Variants in STX18 observed in about 807,000 individuals in gnomAD.
STX18 encodes syntaxin-18.
STX18 carries 40 observed loss-of-function variants against 50.1 expected under a neutral mutation model. That is an observed-to-expected ratio of 0.80 (90% confidence interval 0.62 to 1.04). The LOEUF is 1.04. Ranked by LOEUF, STX18 falls within the 50% of genes least tolerant of loss-of-function variation. The pLI is 0.00. For synonymous variants in STX18, 158 were observed against 151.8 expected, an observed-to-expected ratio of 1.04 and a Z score of -0.30; for missense variants, 410 against 415.8, an observed-to-expected ratio of 0.99 and a Z score of 0.12.
At position 4,420,777 on chromosome 4, in the gene STX18, T is replaced by C; in HGVS notation, c.912+87A>G. Reference sequence around the variant, plus strand: ...CGTGAGCTCTGCCCAGCAAGGCTCCTGGGCAGCTGTGCCGGCGAGACTAAC... The same window carrying C: ...CGTGAGCTCTGCCCAGCAAGGCTCCCGGGCAGCTGTGCCGGCGAGACTAAC... On this transcript the variant is annotated intron_variant, in intron 10 of 10. Coordinates refer to ENST00000306200, the MANE Select transcript of STX18 (RefSeq NM_016930.4). The surrounding 1 kb of genome is among the most constrained non-coding windows in gnomAD (Gnocchi z 4.3). 2 of 1,235,958 alleles carry C rather than the reference T, an allele frequency of 1.6e-6. No individual in the cohort carries two copies. The highest frequency in any genetic ancestry group is 2.4e-6 in the Non-Finnish European group (2 of 841,356). The allele number at this position is 1,235,958 out of a possible 1,614,324, so 76.6% of individuals were successfully genotyped here.
At position 4,541,931 on chromosome 4, in the gene STX18, T is replaced by G; in HGVS notation, c.34A>C (p.Ser12Arg). 6.2e-7 allele frequency: 1 copy of G among 1,608,724 alleles called. No homozygotes were observed. The highest frequency in any genetic ancestry group is 8.5e-7 in the Non-Finnish European group (1 of 1,178,282). ...AVDITLLFRASVKTVKTRNKA... is the reference protein window; with the variant it reads ...AVDITLLFRARVKTVKTRNKA... ...TTCCGCGTCTTCACGGTCTTGACGC[T>G]GGCCCGGAATAGCAGCGTGATGTCC... The change falls in exon 1 of 11, where the codon AGC (serine) becomes CGC (arginine). Residue 12 changes from serine (S) to arginine (R), a missense_variant. Ser to Arg is a moderately radical substitution (Grantham distance 110). Transcript: ENST00000306200.
chr4:4,450,264 C>G (rs1726675242), intron 5 of STX18, among the ~76,000 whole-genome samples: 1 of 152,162 alleles, frequency 6.6e-6, no homozygotes, highest in South Asian at 2.1e-4. Flanking sequence ...CACCCAAGAC[C>G]ACAGACAGGG....
At chr4:4,535,553 GA>G (rs1485340251) in intron 1 of STX18, among the ~76,000 whole-genome samples, 2 of 152,324 alleles carry the variant, frequency 1.3e-5, no homozygotes, top group Middle Eastern at 3.4e-3. Context: ...TCCTCAAGGA[GA>G]GGGGGAAGGT....
chr4:4,492,873 A>C (rs1729003781), intron 1 of STX18, among the ~76,000 whole-genome samples: 1 of 152,186 alleles, frequency 6.6e-6, no homozygotes, highest in South Asian at 2.1e-4. Flanking sequence ...TAAAATGTCA[A>C]AGTTTTTAAG....
In STX18 at chr4:4,425,214, C is replaced by G; in HGVS notation, c.711G>C (p.Gln237His). Residue 237 changes from glutamine (Q) to histidine (H), a missense_variant, in exon 8 of 11, where the codon CAG becomes CAC. Coordinates refer to ENST00000306200, the MANE Select transcript of STX18 (RefSeq NM_016930.4). ...LSPEEIQMFE[Q>H]ENQRLIGEMN... ...TTTCACCAATTAGTCGCTGATTTTC[C>G]TGTTCAAACTGTGAGGAAACAGACA... 3 of 1,614,080 alleles carry G rather than the reference C, an allele frequency of 1.9e-6. No individual in the cohort carries two copies. The highest frequency in any genetic ancestry group is 2.5e-6 in the Non-Finnish European group (3 of 1,179,924).
chr4:4,540,337 C>T (rs950419835), intron 1 of STX18, among the ~76,000 whole-genome samples: 5 of 152,170 alleles, frequency 3.3e-5, no homozygotes, highest in Admixed American at 6.5e-5. Flanking sequence ...TGCAATGATA[C>T]ACAAAGCCCT....
intron 1 of STX18, among the ~76,000 whole-genome samples, chr4:4,508,146 T>C (rs1729816511): frequency 6.6e-6 from 1 of 152,212 alleles, no homozygotes; most frequent in Admixed American, 6.5e-5. Context: ...GACACTGAAG[T>C]GCCCGTGTGA....
At chr4:4,448,185 A>G (rs1457917244) in intron 5 of STX18, among the ~76,000 whole-genome samples, 2 of 152,186 alleles carry the variant, frequency 1.3e-5, no homozygotes, top group East Asian at 3.8e-4. Flanking sequence ...TACTCCAGCA[A>G]TTCTGTAAAT....
At chr4:4,455,827 C>T (rs1727033226) in intron 5 of STX18, among the ~76,000 whole-genome samples, 1 of 152,224 alleles carries the variant, frequency 6.6e-6, no homozygotes, top group African/African-American at 2.4e-5. Context: ...CTGGTTTCCT[C>T]TGGACTTTTG....
chr4:4,424,215 C>T (rs1277028835), intron 8 of STX18, among the ~76,000 whole-genome samples: 36 of 144,320 alleles, frequency 2.5e-4, no homozygotes, highest in Admixed American at 6.4e-4. Context: ...CCCTGGGGGG[C>T]GGGTGGGGGC....
intron 1 of STX18, among the ~76,000 whole-genome samples, chr4:4,527,867 C>CACACACACACACACACACATATAT (rs372566368): frequency 7.3e-6 from 1 of 137,208 alleles, no homozygotes; most frequent in African/African-American, 2.6e-5. Context: ...CACACACACA[C>CACACACACACACACACACATATAT]ATATATATAT....
intron 1 of STX18, among the ~76,000 whole-genome samples, chr4:4,534,022 T>A (rs143402009): frequency 2.0e-5 from 3 of 152,330 alleles, no homozygotes; most frequent in African/African-American, 7.2e-5. Context: ...TTCTACCTCC[T>A]TGTACTTCTC....
chr4:4,465,524 A>C (rs530949219), intron 2 of STX18, among the ~76,000 whole-genome samples: 1 of 152,334 alleles, frequency 6.6e-6, no homozygotes, highest in Admixed American at 6.5e-5. Context: ...CAAATACCAC[A>C]TGTTCTCACT....
intron 1 of STX18, among the ~76,000 whole-genome samples, chr4:4,535,354 G>C (rs987149333): frequency 6.6e-6 from 1 of 152,160 alleles, no homozygotes; most frequent in African/African-American, 2.4e-5. Flanking sequence ...AAATTCAGAA[G>C]TGTAATCCAC....
chr4:4,510,235 A>C (rs1729934421), intron 1 of STX18, among the ~76,000 whole-genome samples: 1 of 152,204 alleles, frequency 6.6e-6, no homozygotes, highest in Non-Finnish European at 1.5e-5. Context: ...ATTTTAGTTT[A>C]ACCAAAGCAA....
intron 1 of STX18, among the ~76,000 whole-genome samples, chr4:4,501,479 T>C (rs900315351): frequency 2.0e-5 from 3 of 152,226 alleles, no homozygotes; most frequent in Non-Finnish European, 4.4e-5. Context: ...TTAGTGATTA[T>C]TTTGTGAGGG....
intron 7 of STX18, among the ~76,000 whole-genome samples, chr4:4,430,701 C>A (rs532036253): frequency 6.6e-6 from 1 of 152,152 alleles, no homozygotes; most frequent in Non-Finnish European, 1.5e-5. Flanking sequence ...TGCTAAAACA[C>A]GTGCAGGGCA....
chr4:4,449,087 T>C lies in STX18; in HGVS notation c.497+8104A>G, dbSNP rs141151419. 8.7e-3 allele frequency among the ~76,000 whole-genome samples: 1,287 copies of C among 148,640 alleles called. 18 individuals are homozygous for C. Among genetic ancestry groups the C allele is most frequent in the African/African-American group, 0.031 (1,233 of 39,860 alleles). ...TTTGAGATAAGGTCTCACTCTGTTGTCCAGGCTAGAGTGTAGTGTTGTGAT... is the reference window on the plus strand; with the variant it reads ...TTTGAGATAAGGTCTCACTCTGTTGCCCAGGCTAGAGTGTAGTGTTGTGAT... On this transcript the variant is annotated intron_variant, in intron 5 of 10. Transcript: ENST00000306200.
At chr4:4,443,064 A>T (rs1193881524) in intron 5 of STX18, among the ~76,000 whole-genome samples, 1 of 152,246 alleles carries the variant, frequency 6.6e-6, no homozygotes, top group Non-Finnish European at 1.5e-5. Flanking sequence ...GCACTTCCGT[A>T]TATTGATGGT....
Sources: allele counts gnomAD v4.1 joint callset (sites outside exome capture counted in the v4.1 genomes callset), GRCh38; gene constraint gnomAD v4.1.1; non-coding constraint Gnocchi (gnomAD v3.1); transcripts MANE v1.5; gene names NCBI Gene and HGNC (gene_info 2026-07-23, HGNC 2026-07-21).